The following WDPCP variants were observed in gnomAD, a reference collection of about 807,000 sequenced individuals.
WDPCP encodes the protein WD repeat-containing and planar cell polarity effector protein fritz homolog.
A neutral mutation model predicts 93.1 loss-of-function variants in WDPCP; 71 were observed. The observed-to-expected ratio is 0.76, with a 90% CI of 0.63 to 0.93. The LOEUF is 0.93. WDPCP is among the 40% of genes least tolerant of loss of function. The probability of loss-of-function intolerance (pLI) is 0.00; values close to 1 mark genes in which losing one functional copy is unlikely to be tolerated. For synonymous variants in WDPCP, 315 were observed against 315.0 expected, an observed-to-expected ratio of 1.00 and a Z score of 0.00; for missense variants, 844 against 887.4, an observed-to-expected ratio of 0.95 and a Z score of 0.62.
At chr2:63,362,880 C>A (rs978003819) in intron 12 of WDPCP, among the ~76,000 whole-genome samples, 4 of 152,122 alleles carry the variant, frequency 2.6e-5, no homozygotes, top group Non-Finnish European at 5.9e-5. Flanking sequence ...TACTCTTAGG[C>A]ATACTTTCTG....
intron 2 of WDPCP, among the ~76,000 whole-genome samples, chr2:63,756,817 C>A (rs1186235235): frequency 6.6e-6 from 1 of 152,092 alleles, no homozygotes. Flanking sequence ...TCCTGTTAAT[C>A]TAAAAATAGA....
intron 16 of WDPCP, 105 bp downstream of exon 16, chr2:63,153,390 T>TG: frequency 1.2e-6 from 1 of 846,272 alleles, no homozygotes. Flanking sequence ...CAACTAGAAA[T>TG]GCTCAGAGTT....
chr2:63,635,665 A>AT (rs964793595), intron 3 of WDPCP, among the ~76,000 whole-genome samples: 3 of 152,188 alleles, frequency 2.0e-5, no homozygotes, highest in Non-Finnish European at 2.9e-5. Flanking sequence ...ATGTTTCATG[A>AT]TAAAAACTCT....
upstream of WDPCP, among the ~76,000 whole-genome samples, chr2:63,830,117 AAT>A (rs1306642997): frequency 6.6e-6 from 1 of 152,138 alleles, no homozygotes; most frequent in African/African-American, 2.4e-5. Flanking sequence ...GCCTATCATA[AAT>A]ATGTTTAAGG....
At chr2:63,274,354 AGTACTTTTTT>A (rs1682911581) in intron 13 of WDPCP, among the ~76,000 whole-genome samples, 1 of 152,180 alleles carries the variant, frequency 6.6e-6, no homozygotes, top group Non-Finnish European at 1.5e-5. Flanking sequence ...AGTGCTAAGA[AGTACTTTTTT>A]GTACATCAGA....
intron 13 of WDPCP, among the ~76,000 whole-genome samples, chr2:63,297,494 T>C (rs748897194): frequency 7.2e-5 from 11 of 152,292 alleles, no homozygotes; most frequent in Non-Finnish European, 1.6e-4. Context: ...TATCATGCCA[T>C]TTCCTCTATT....
chr2:63,256,807 T>C (rs1397729459), intron 14 of WDPCP, among the ~76,000 whole-genome samples: 1 of 152,134 alleles, frequency 6.6e-6, no homozygotes, highest in Non-Finnish European at 1.5e-5. Flanking sequence ...AGATTCATAA[T>C]GTTGAATAAA....
At chr2:63,317,511 C>T (rs1469514195) in intron 12 of WDPCP, among the ~76,000 whole-genome samples, 1 of 151,764 alleles carries the variant, frequency 6.6e-6, no homozygotes, top group Non-Finnish European at 1.5e-5. Context: ...GCACTTCGAA[C>T]TCCTACAAAG....
At chr2:63,212,127 A>G (rs922325924) in intron 14 of WDPCP, among the ~76,000 whole-genome samples, 1 of 152,178 alleles carries the variant, frequency 6.6e-6, no homozygotes, top group African/African-American at 2.4e-5. Flanking sequence ...AACGCCACAG[A>G]TACTCCTCGA....
intron 3 of WDPCP, among the ~76,000 whole-genome samples, chr2:63,638,737 C>T (rs1475736434): frequency 1.3e-5 from 2 of 150,940 alleles, no homozygotes; most frequent in African/African-American, 2.4e-5. Flanking sequence ...TGCAGTGAGT[C>T]GTGATTACAC....
At chr2:63,399,248 T>G (rs1693969532) in intron 10 of WDPCP, among the ~76,000 whole-genome samples, 1 of 152,114 alleles carries the variant, frequency 6.6e-6, no homozygotes, top group African/African-American at 2.4e-5. Flanking sequence ...TGACTTCTAT[T>G]GGATAATTCT....
chr2:63,507,298 G>A (rs1442771104), intron 1 of WDPCP, among the ~76,000 whole-genome samples: 1 of 152,068 alleles, frequency 6.6e-6, no homozygotes, highest in Non-Finnish European at 1.5e-5. Context: ...CAGGGCAACA[G>A]ACTTTCTCAA....
In WDPCP at chr2:63,465,345, C is replaced by CA. The variant is rs959157510; in HGVS notation, c.384+19258dup. 4.0e-5 allele frequency among the ~76,000 whole-genome samples: 6 copies of CA among 151,128 alleles called. No homozygotes were observed. In the South Asian group the frequency reaches 1.0e-3, roughly 26 times the overall value. ...AGCTGGGAAAGCCAAAATTTGACAC[C>CA]AAAAAAAATGGAGCAGTCTGTGCTT... On this transcript the variant is annotated intron_variant, in intron 6 of 17. Transcript: ENST00000272321.
At chr2:63,267,187 C>T (rs1404394377) in intron 13 of WDPCP, among the ~76,000 whole-genome samples, 1 of 152,156 alleles carries the variant, frequency 6.6e-6, no homozygotes, top group Non-Finnish European at 1.5e-5. Context: ...TATTTATGGT[C>T]AGTTGATTTT....
At position 63,283,310 on chromosome 2, in the gene WDPCP, C is replaced by T. The variant is rs115273358; in HGVS notation, c.1813-23901G>A. Among the ~76,000 whole-genome samples, 723 of 152,260 alleles carry T rather than the reference C, an allele frequency of 4.7e-3. 6 individuals carry two copies. Among genetic ancestry groups the T allele is most frequent in the African/African-American group, 0.017 (702 of 41,536 alleles). ...CGCCTGCCTGAAGCCCCTTGCGTCA[C>T]TAGGATTACAGGTGCATGCCACCAC... On this transcript the variant is annotated intron_variant, in intron 13 of 17. Coordinates refer to ENST00000272321, the MANE Select transcript of WDPCP (RefSeq NM_015910.7).
At chr2:63,288,970 G>A (rs949882679) in intron 13 of WDPCP, among the ~76,000 whole-genome samples, 1 of 151,762 alleles carries the variant, frequency 6.6e-6, no homozygotes, top group Non-Finnish European at 1.5e-5. Context: ...ACCAAGGAAC[G>A]GATGTTGTGT....
chr2:63,797,892 C>A (rs771958320), intron 2 of WDPCP, among the ~76,000 whole-genome samples: 2 of 151,936 alleles, frequency 1.3e-5, no homozygotes, highest in Non-Finnish European at 2.9e-5. Context: ...ACTCAAACTG[C>A]CAAAGGTCAG....
chr2:63,594,352 T>C (rs1709261238), intron 3 of WDPCP: 1 of 770,366 alleles, frequency 1.3e-6, no homozygotes, highest in Non-Finnish European at 2.4e-6. Flanking sequence ...CATTTTCTAC[T>C]GAGCCAGATG....
intron 6 of WDPCP, among the ~76,000 whole-genome samples, chr2:63,458,132 AAAAAG>A (rs1417046208): frequency 2.6e-4 from 40 of 151,952 alleles, no homozygotes; most frequent in African/African-American, 8.7e-4. Flanking sequence ...CAAAAAAAAA[AAAAAG>A]AAAAAAAAAA....
Sources: allele counts gnomAD v4.1 joint callset (sites outside exome capture counted in the v4.1 genomes callset), GRCh38; gene constraint gnomAD v4.1.1; transcripts MANE v1.5; gene names NCBI Gene and HGNC (gene_info 2026-07-23, HGNC 2026-07-21).